Variants in UBE2E2 observed in about 807,000 individuals in gnomAD.
UBE2E2 encodes ubiquitin conjugating enzyme E2 E2.
In UBE2E2, 6 loss-of-function variants were observed where a neutral mutation model predicts 24.7. That is an observed-to-expected ratio of 0.24 (90% CI 0.13 to 0.48). The LOEUF is 0.48. Ranked by LOEUF, UBE2E2 falls within the 20% of genes least tolerant of loss-of-function variation. UBE2E2 has a pLI of 0.99. For missense variants in UBE2E2, 169 were observed against 245.0 expected, an observed-to-expected ratio of 0.69 and a Z score of 2.07; for synonymous variants, 104 against 83.6, an observed-to-expected ratio of 1.24 and a Z score of -1.33.
Position 23,320,201 on chromosome 3 carries a change from C to A in UBE2E2, c.227+102889C>A, listed in dbSNP as rs570971514. 5.3e-5 allele frequency among the ~76,000 whole-genome samples: 8 copies of A among 152,302 alleles called. No homozygotes were observed. In the South Asian group the frequency reaches 1.5e-3, roughly 28 times the overall value. On this transcript the variant is annotated intron_variant, in intron 3 of 5. Transcript: ENST00000396703. ...TCAGTCGCAGGTACTACTGTTCTTT[C>A]AACAGTGTTTCACTTTATTAGTCCC...
At chr3:23,332,628 G>A (rs762568399) in intron 3 of UBE2E2, among the ~76,000 whole-genome samples, 56 of 151,400 alleles carry the variant, frequency 3.7e-4, no homozygotes, top group Non-Finnish European at 6.9e-4. Flanking sequence ...GGAAATTGGT[G>A]CATTTGAACA....
intron 4 of UBE2E2, among the ~76,000 whole-genome samples, chr3:23,521,828 C>T (rs919487327): frequency 3.9e-5 from 6 of 152,138 alleles, no homozygotes; most frequent in Non-Finnish European, 8.8e-5. Context: ...GACACCCTTG[C>T]TCCAGAAGGA....
At chr3:23,432,249 C>T (rs1366357143) in intron 3 of UBE2E2, among the ~76,000 whole-genome samples, 1 of 152,062 alleles carries the variant, frequency 6.6e-6, no homozygotes, top group African/African-American at 2.4e-5. Context: ...ATAAATATTT[C>T]CTTCTTAATT....
intron 3 of UBE2E2, among the ~76,000 whole-genome samples, chr3:23,294,528 A>G (rs1698854721): frequency 6.6e-6 from 1 of 150,398 alleles, no homozygotes; most frequent in Non-Finnish European, 1.5e-5. Context: ...CTATGTAGTA[A>G]GTGCAGCGTT....
chr3:23,309,872 A>T (rs1338236593), intron 3 of UBE2E2, among the ~76,000 whole-genome samples: 5 of 152,084 alleles, frequency 3.3e-5, no homozygotes, highest in African/African-American at 9.7e-5. Context: ...TGCCCTCGTG[A>T]CATGGTGGTT....
intron 3 of UBE2E2, among the ~76,000 whole-genome samples, chr3:23,485,014 G>C (rs1168734595): frequency 2.0e-5 from 3 of 150,920 alleles, no homozygotes; most frequent in Non-Finnish European, 3.0e-5. Context: ...CATATAGCTA[G>C]TATTTTAGTC....
intron 3 of UBE2E2, among the ~76,000 whole-genome samples, chr3:23,328,859 A>G (rs1331354326): frequency 1.3e-5 from 2 of 152,090 alleles, no homozygotes; most frequent in Non-Finnish European, 2.9e-5. Flanking sequence ...ACGGGGTTTC[A>G]CCATGTTGGC....
chr3:23,497,659 CTG>C (rs1290014058), intron 3 of UBE2E2, among the ~76,000 whole-genome samples: 1 of 152,242 alleles, frequency 6.6e-6, no homozygotes, highest in Middle Eastern at 3.4e-3. Flanking sequence ...AAACTAATAT[CTG>C]TGTATATTTT....
intron 3 of UBE2E2, chr3:23,389,680 A>AG: frequency 3.9e-6 from 1 of 257,246 alleles, no homozygotes; most frequent in African/African-American, 2.2e-5. Context: ...GCTGGCTTTG[A>AG]GGGGGATTTC....
intron 3 of UBE2E2, among the ~76,000 whole-genome samples, chr3:23,221,190 A>G (rs1342290480): frequency 2.0e-5 from 3 of 152,194 alleles, no homozygotes; most frequent in Admixed American, 6.5e-5. Context: ...AAGTAAACCA[A>G]AAAAGAGGAT....
intron 5 of UBE2E2, among the ~76,000 whole-genome samples, chr3:23,578,090 A>C (rs1258379040): frequency 6.6e-6 from 1 of 152,210 alleles, no homozygotes; most frequent in African/African-American, 2.4e-5. Flanking sequence ...AACTTAAACA[A>C]ATTTACAAGA....
chr3:23,465,453 T>C (rs1415364763), intron 3 of UBE2E2, among the ~76,000 whole-genome samples: 2 of 152,240 alleles, frequency 1.3e-5, no homozygotes, highest in Non-Finnish European at 2.9e-5. Context: ...ACCGTAACTT[T>C]TAGCCATAAA....
chr3:23,203,325 C>G, upstream of UBE2E2: 1 of 986,790 alleles, frequency 1.0e-6, no homozygotes, highest in African/African-American at 1.7e-5. Context: ...GTGCGTGGGT[C>G]CGGCTTTCGG....
intron 3 of UBE2E2, among the ~76,000 whole-genome samples, chr3:23,264,286 C>CA (rs1185722909): frequency 6.7e-6 from 1 of 150,320 alleles, no homozygotes; most frequent in Non-Finnish European, 1.5e-5. Context: ...CTTTAGGTTA[C>CA]ACAGCTATTA....
intron 3 of UBE2E2, among the ~76,000 whole-genome samples, chr3:23,269,941 A>G (rs986520091): frequency 2.0e-5 from 3 of 152,180 alleles, no homozygotes; most frequent in African/African-American, 4.8e-5. Flanking sequence ...ATAGGGATCA[A>G]AACAATACCA....
intron 3 of UBE2E2, among the ~76,000 whole-genome samples, chr3:23,485,330 A>T (rs1438257257): frequency 1.3e-5 from 2 of 152,040 alleles, no homozygotes; most frequent in African/African-American, 4.8e-5. Context: ...TCCTAACGTC[A>T]AGTGATCCAC....
rs911155479 is a variant in UBE2E2, at chr3:23,377,888, C to G, written c.228-121720C>G. ...TTTTCAACAGCTTTTATGTACATCT[C>G]TTATGTACATGTGTATTGCCAAATG... On this transcript the variant is annotated intron_variant, in intron 3 of 5. Coordinates refer to ENST00000396703, the MANE Select transcript of UBE2E2 (RefSeq NM_152653.4). Among the ~76,000 whole-genome samples the G allele has an allele frequency of 4.6e-5, 7 of 152,216 alleles. No homozygotes were observed. The East Asian group carries it at 1.4e-3, about 29-fold the overall frequency.
chr3:23,272,115 G>T (rs1421518529), intron 3 of UBE2E2, among the ~76,000 whole-genome samples: 1 of 152,158 alleles, frequency 6.6e-6, no homozygotes, highest in Non-Finnish European at 1.5e-5. Context: ...CCATGCTGGA[G>T]CCCACCGCCA....
At chr3:23,351,744 G>C (rs200820611) in intron 3 of UBE2E2, among the ~76,000 whole-genome samples, 1 of 151,426 alleles carries the variant, frequency 6.6e-6, no homozygotes, top group African/African-American at 2.4e-5. Flanking sequence ...CAAGTCCTTA[G>C]TGACATACAA....
Sources: gnomAD v4.1 joint callset for allele counts (sites outside exome capture counted in the v4.1 genomes callset) on GRCh38, gnomAD v4.1.1 for gene constraint, MANE v1.5 for transcripts, NCBI Gene and HGNC (gene_info 2026-07-23, HGNC 2026-07-21) for gene names.